The following TTC33 variants were observed in gnomAD, a reference collection of about 807,000 sequenced individuals.
TTC33 encodes the protein tetratricopeptide repeat domain 33, also known as tetratricopeptide repeat protein 33.
A neutral mutation model predicts 29.4 loss-of-function variants in TTC33; 24 were observed. That is an observed-to-expected ratio of 0.82 (90% CI 0.59 to 1.15). The LOEUF is 1.15. Among genes scored for constraint, TTC33 ranks in the 50% most tolerant of loss-of-function variants. TTC33 has a pLI of 0.00. For missense variants in TTC33, 286 were observed against 310.4 expected (o/e 0.92, Z 0.59); for synonymous variants, 107 against 100.3 (o/e 1.07, Z -0.40).
intron 4 of TTC33, among the ~76,000 whole-genome samples, chr5:40,718,175 G>A (rs922251873): frequency 6.6e-6 from 1 of 152,054 alleles, no homozygotes; most frequent in Non-Finnish European, 1.5e-5. Flanking sequence ...CCAACTCTTT[G>A]GGAGGCCGAG....
In TTC33 at chr5:40,716,208, A is replaced by C. The variant is rs749112297; in HGVS notation, c.726T>G (p.Thr242=). The C allele has an allele frequency of 6.2e-7, 1 of 1,614,140 alleles. No individual in the cohort carries two copies. Among genetic ancestry groups the C allele is most frequent in the Non-Finnish European group, 8.5e-7 (1 of 1,180,000 alleles). The change falls in exon 5 of 5, where the codon ACT becomes ACG. Residue 242 remains threonine, a synonymous_variant. Coordinates refer to ENST00000337702, the MANE Select transcript of TTC33 (RefSeq NM_012382.3). ...TAGCACCATCCTCCTTTTCAGTTAC[A>C]GTCTCTATGGCCCCAGAAGCAGACA... ...VIVSASGAIE[T]VTEKEDGATP...
chr5:40,741,809 T>C (rs1742701402), intron 2 of TTC33, among the ~76,000 whole-genome samples: 1 of 152,014 alleles, frequency 6.6e-6, no homozygotes, highest in East Asian at 1.9e-4. Flanking sequence ...GCCAATATGG[T>C]AAAACCCCAT....
intron 2 of TTC33, among the ~76,000 whole-genome samples, chr5:40,733,588 T>A (rs1742483934): frequency 6.6e-6 from 1 of 152,180 alleles, no homozygotes; most frequent in African/African-American, 2.4e-5. Context: ...CAGAGGAAGT[T>A]ATCACCCCAT....
chr5:40,745,107 G>A (rs1272230951), intron 2 of TTC33, among the ~76,000 whole-genome samples: 1 of 152,110 alleles, frequency 6.6e-6, no homozygotes, highest in Non-Finnish European at 1.5e-5. Context: ...TGTCATGGGG[G>A]ATAAAAGTAG....
intron 2 of TTC33, among the ~76,000 whole-genome samples, chr5:40,735,613 A>G (rs1056477308): frequency 6.6e-6 from 1 of 152,216 alleles, no homozygotes; most frequent in Non-Finnish European, 1.5e-5. Context: ...TACAAGGTCT[A>G]TGTTAAGCTG....
intron 2 of TTC33, among the ~76,000 whole-genome samples, chr5:40,743,282 T>C (rs1392836915): frequency 6.6e-6 from 1 of 151,386 alleles, no homozygotes; most frequent in Non-Finnish European, 1.5e-5. Context: ...AGAAAAAAGG[T>C]TTTCAGACAG....
At position 40,748,628 on chromosome 5, in the gene TTC33, C is replaced by T. The variant is rs190496798; in HGVS notation, c.-1-1609G>A. On this transcript the variant is annotated intron_variant, in intron 1 of 4. Transcript: ENST00000337702. ...AAGACATCTAGGAATTGTTTTAAAG[C>T]AATCAGTGGAGGTTGGGAGTGCAAT... Among the ~76,000 whole-genome samples, 632 of 152,158 alleles carry T rather than the reference C, an allele frequency of 4.2e-3. 3 individuals are homozygous for T. The highest frequency in any genetic ancestry group is 0.015 in the African/African-American group (606 of 41,488).
Position 40,728,476 on chromosome 5 carries a change from C to G in TTC33, c.304G>C (p.Val102Leu). The G allele has an allele frequency of 6.3e-7, 1 of 1,591,430 alleles. No homozygotes were observed. The highest frequency in any genetic ancestry group is 1.2e-5 in the South Asian group (1 of 86,272). Residue 102 changes from valine to leucine, a missense_variant and splice_region_variant, in exon 4 of 5, where the codon GTG becomes CTG. By Grantham distance (32) the Val-to-Leu change is conservative. Transcript: ENST00000337702. ...DATLYEMKSQVLMSLHEMFPA... is the reference protein window; with the variant it reads ...DATLYEMKSQLLMSLHEMFPA... Reference sequence around the variant, plus strand: ...AACATTTCATGAAGAGACATTAGCACCTATAGGCAAAAAAAGACCAAAAAA... The same window carrying G: ...AACATTTCATGAAGAGACATTAGCAGCTATAGGCAAAAAAAGACCAAAAAA...
intron 2 of TTC33, among the ~76,000 whole-genome samples, chr5:40,745,052 G>A (rs891225860): frequency 6.6e-6 from 1 of 152,076 alleles, no homozygotes; most frequent in Non-Finnish European, 1.5e-5. Flanking sequence ...TACACACAAG[G>A]AAGCAATCAA....
In TTC33 at chr5:40,716,439, T is replaced by C. The variant is rs150062027; in HGVS notation, c.495A>G (p.Lys165=). The change falls in exon 5 of 5, where the codon AAA becomes AAG. Residue 165 remains lysine, a synonymous_variant. Coordinates refer to ENST00000337702, the MANE Select transcript of TTC33 (RefSeq NM_012382.3). ...GCGTTCTTGCCCAAGAGAGGTCTTC[T>C]TTCCATATTTCAGGGTTCATTGGAT... is the stretch of plus-strand genomic sequence containing the variant. The part of the protein sequence containing the change: ...HIYPMNPEIW[K]EDLSWARTLQ... 5.0e-6 allele frequency: 8 copies of C among 1,613,644 alleles called. No homozygotes were observed. In the East Asian group the frequency reaches 6.7e-5, roughly 13 times the overall value.
intron 1 of TTC33, among the ~76,000 whole-genome samples, chr5:40,752,068 T>C (rs762189502): frequency 9.9e-5 from 15 of 152,222 alleles, no homozygotes; most frequent in Non-Finnish European, 1.5e-4. Flanking sequence ...TACTTTGCAC[T>C]TTCATGTTAT....
intron 2 of TTC33, among the ~76,000 whole-genome samples, chr5:40,735,176 G>T (rs1426345640): frequency 2.0e-5 from 3 of 152,202 alleles, no homozygotes; most frequent in Non-Finnish European, 2.9e-5. Flanking sequence ...TATGCATGTG[G>T]ATTTAATTGT....
chr5:40,712,338 C>T lies in TTC33; in HGVS notation c.*3807G>A, dbSNP rs771367289. Among the ~76,000 whole-genome samples the T allele has an allele frequency of 1.3e-5, 2 of 152,040 alleles. No homozygotes were observed. The highest frequency in any genetic ancestry group is 2.9e-5 in the Non-Finnish European group (2 of 67,996). On this transcript the variant is annotated 3_prime_UTR_variant, in exon 5 of 5. Transcript: ENST00000337702. ...TTTTTAATATATCTCATGCTTACTT[C>T]GAAATATAATCTGCACTAGTCTTTG...
At chr5:40,751,996 T>C (rs1742905344) in intron 1 of TTC33, among the ~76,000 whole-genome samples, 2 of 151,934 alleles carry the variant, frequency 1.3e-5, no homozygotes, top group Non-Finnish European at 2.9e-5. Context: ...TCATTTAGTG[T>C]AGCCAACTTC....
At chr5:40,724,084 T>C (rs1238493520) in intron 4 of TTC33, among the ~76,000 whole-genome samples, 1 of 152,200 alleles carries the variant, frequency 6.6e-6, no homozygotes, top group Non-Finnish European at 1.5e-5. Flanking sequence ...CCCAGGTTCA[T>C]GGCAGCACTA....
At chr5:40,737,604 C>T (rs537427863) in intron 2 of TTC33, among the ~76,000 whole-genome samples, 1 of 152,166 alleles carries the variant, frequency 6.6e-6, no homozygotes, top group South Asian at 2.1e-4. Flanking sequence ...ATTTATATAT[C>T]AAAAAACGTA....
chr5:40,729,340 T>G lies in TTC33; in HGVS notation c.304-864A>C, dbSNP rs141023872. On this transcript the variant is annotated intron_variant, in intron 3 of 4. Transcript: ENST00000337702. ...AAAAATATTTGTTAGGTGTGCAGAT[T>G]AAGGCTGAATTGCAACAATTCCCTG... Among the ~76,000 whole-genome samples, 634 of 152,336 alleles carry G rather than the reference T, an allele frequency of 4.2e-3. 3 individuals are homozygous for G. Among genetic ancestry groups the G allele is most frequent in the African/African-American group, 0.015 (608 of 41,590 alleles).
At chr5:40,723,938 TTAGTA>T (rs1561144929) in intron 4 of TTC33, among the ~76,000 whole-genome samples, 5 of 152,128 alleles carry the variant, frequency 3.3e-5, no homozygotes, top group Admixed American at 6.5e-5. Flanking sequence ...TTGTATATTG[TTAGTA>T]AAAATGCAAA....
At chr5:40,750,174 C>G (rs140778745) in intron 1 of TTC33, among the ~76,000 whole-genome samples, 1 of 151,992 alleles carries the variant, frequency 6.6e-6, no homozygotes, top group East Asian at 1.9e-4. Context: ...TCAGCAAGTC[C>G]TAATCTTTTT....
Sources: gnomAD v4.1 joint callset for allele counts (sites outside exome capture counted in the v4.1 genomes callset) on GRCh38, gnomAD v4.1.1 for gene constraint, MANE v1.5 for transcripts, NCBI Gene and HGNC (gene_info 2026-07-23, HGNC 2026-07-21) for gene names.